The following PCDH11X variants were observed in gnomAD, a reference collection of about 807,000 sequenced individuals.
PCDH11X encodes protocadherin 11 X-linked.
Under a neutral mutation model 53.3 loss-of-function variants are expected in PCDH11X, and 18 were observed. The ratio of observed to expected loss-of-function variants is 0.34; its 90% confidence interval spans 0.23 to 0.50. The LOEUF is 0.50. Ranked by LOEUF, PCDH11X falls within the 20% of genes least tolerant of loss-of-function variation. The pLI is 0.98. For synonymous variants in PCDH11X, 279 were observed against 393.3 expected, an observed-to-expected ratio of 0.71 and a Z score of 3.44; for missense variants, 570 against 1,032.4, an observed-to-expected ratio of 0.55 and a Z score of 6.14.
chrX:91,861,269 G>T (rs1463620110), intron 5 of PCDH11X, among the ~76,000 whole-genome samples: 1 of 111,718 alleles, frequency 9.0e-6, no homozygotes, highest in African/African-American at 3.3e-5. Flanking sequence ...TTGCATAGAG[G>T]TGTTTATAGT....
At chrX:92,518,732 A>G (rs6619061) in intron 10 of PCDH11X, among the ~76,000 whole-genome samples, 14,151 of 103,134 alleles carry the variant, frequency 0.14, 951 homozygotes, top group East Asian at 0.43. Flanking sequence ...AACATTCACT[A>G]TGGCTTACCA....
intron 6 of PCDH11X, among the ~76,000 whole-genome samples, chrX:91,923,414 G>A (rs945480294): frequency 2.0e-5 from 2 of 100,269 alleles, no homozygotes; most frequent in African/African-American, 7.3e-5. Context: ...AAGGTAGAGG[G>A]ACTTGACTTG....
In PCDH11X at chrX:92,514,600, G is replaced by A. The variant is rs187986560; in HGVS notation, c.3367+46278G>A. Among the ~76,000 whole-genome samples, 297 of 105,344 alleles carry A rather than the reference G, an allele frequency of 2.8e-3. 2 individuals carry two copies. Among genetic ancestry groups the A allele is most frequent in the African/African-American group, 9.5e-3 (277 of 29,188 alleles). The allele number at this position is 105,344 out of a possible 115,157, so 91.5% of individuals were successfully genotyped here. A position where few individuals can be genotyped will look rare whatever the true frequency, so the allele number is the denominator to read the frequency against. On this transcript the variant is annotated intron_variant, in intron 10 of 10. Transcript: ENST00000682573. ...CAAAAAAATAGCTGGGTGTGGTGGC[G>A]TGCACCTGTAATCCCAGCTACTCGG... is the stretch of plus-strand genomic sequence containing the variant.
At chrX:92,049,613 G>C (rs1366982582) in intron 6 of PCDH11X, among the ~76,000 whole-genome samples, 1 of 111,223 alleles carries the variant, frequency 9.0e-6, no homozygotes, top group Admixed American at 9.6e-5. Flanking sequence ...GAAAAAAATA[G>C]TATCTGTAGA....
At chrX:92,292,136 C>A (rs2068506115) in intron 8 of PCDH11X, among the ~76,000 whole-genome samples, 2 of 111,300 alleles carry the variant, frequency 1.8e-5, no homozygotes, top group South Asian at 3.7e-4. Flanking sequence ...TCTTGTCTTT[C>A]TGGATTATGG....
chrX:92,614,381 C>T lies in PCDH11X; in HGVS notation c.3368-3883C>T, dbSNP rs374398249. Among the ~76,000 whole-genome samples, 289 of 104,616 alleles carry T rather than the reference C, an allele frequency of 2.8e-3. 5 individuals carry two copies. Among genetic ancestry groups the T allele is most frequent in the South Asian group, 0.013 (28 of 2,234 alleles). The allele number at this position is 104,616 out of a possible 115,157, so 90.8% of individuals were successfully genotyped here. On this transcript the variant is annotated intron_variant, in intron 10 of 10. Coordinates refer to ENST00000682573, the MANE Select transcript of PCDH11X (RefSeq NM_032968.5). ...TTCCTCTCCTCCCTACAGGGTGTGA[C>T]TGTAGTGAATGCTGGGTATGGTCAC...
chrX:92,276,652 T>A (rs1247952143), intron 8 of PCDH11X, among the ~76,000 whole-genome samples: 2 of 110,791 alleles, frequency 1.8e-5, no homozygotes, highest in African/African-American at 3.3e-5. Flanking sequence ...TTGCAAGTTT[T>A]TTCTATTATT....
At position 92,459,928 on chromosome X, in the gene PCDH11X, G is replaced by A. The variant is rs1197199972; in HGVS notation, c.3344-8371G>A. The A allele has an allele frequency of 1.9e-5, 23 of 1,181,457 alleles. No homozygotes were observed. In the Admixed American group the frequency reaches 4.6e-4, roughly 24 times the overall value. ...CAAGAAGACCATGCAAAGCCTGAAC[G>A]ACCGCCTGGCCTCTTACCTGGACAG... is the stretch of plus-strand genomic sequence containing the variant. On this transcript the variant is annotated intron_variant, in intron 9 of 10. Coordinates refer to ENST00000682573, the MANE Select transcript of PCDH11X (RefSeq NM_032968.5).
intron 1 of PCDH11X, among the ~76,000 whole-genome samples, chrX:91,794,692 A>C (rs1935672680): frequency 9.3e-6 from 1 of 108,068 alleles, no homozygotes; most frequent in African/African-American, 3.4e-5. Flanking sequence ...ATTGTAGTGA[A>C]ATGCATGTCC....
Position 92,023,660 on chromosome X carries a change from T to C in PCDH11X, c.3033+144387T>C, listed in dbSNP as rs1333456990. The stretch of plus-strand genomic sequence containing the variant: ...AAAGGAGGGACTCCTCCCTAACTCA[T>C]TTTATGAGGCCAACATCATCCTGAT... On this transcript the variant is annotated intron_variant, in intron 6 of 10. Transcript: ENST00000682573. Among the ~76,000 whole-genome samples, 188 of 102,939 alleles carry C rather than the reference T, an allele frequency of 1.8e-3. 5 individuals carry two copies. Among genetic ancestry groups the C allele is most frequent in the Non-Finnish European group, 4.4e-4 (22 of 50,452 alleles). 89.4% of individuals were successfully genotyped at this position (102,939 alleles called of 115,157 possible).
At position 91,866,608 on chromosome X, in the gene PCDH11X, G is replaced by C. The variant is rs187078539; in HGVS notation, c.541-10173G>C. On this transcript the variant is annotated intron_variant, in intron 5 of 10. Transcript: ENST00000682573. ...TACCATGAGGCCACTGCAGCAGTTG[G>C]GGGAGGAGAAGTGGCTTCGGTGATT... 5.6e-4 allele frequency among the ~76,000 whole-genome samples: 62 copies of C among 111,329 alleles called. No homozygotes were observed. The East Asian group carries it at 0.014, about 26-fold the overall frequency.
chrX:92,187,132 G>A (rs188311989), intron 6 of PCDH11X, among the ~76,000 whole-genome samples: 3 of 111,556 alleles, frequency 2.7e-5, no homozygotes, highest in Non-Finnish European at 5.6e-5. Context: ...TTACAGTTCT[G>A]GAGTCAGACA....
chrX:92,344,068 C>T (rs1363295156), intron 8 of PCDH11X, among the ~76,000 whole-genome samples: 19 of 107,868 alleles, frequency 1.8e-4, no homozygotes, highest in Non-Finnish European at 2.9e-4. Flanking sequence ...TTGTGATTTA[C>T]AGACTATGAA....
At chrX:91,917,569 CA>C (rs59199030) in intron 6 of PCDH11X, among the ~76,000 whole-genome samples, 374 of 15,856 alleles carry the variant, frequency 0.024, 2 homozygotes, top group South Asian at 0.077. Context: ...ACAGCAGCTG[CA>C]AAAAAAAAAA....
intron 1 of PCDH11X, among the ~76,000 whole-genome samples, chrX:91,780,128 G>A (rs1037429287): frequency 8.9e-6 from 1 of 111,875 alleles, no homozygotes; most frequent in Non-Finnish European, 1.9e-5. Flanking sequence ...TGGAGCTGAG[G>A]GGCGATGCCT....
chrX:92,276,162 C>T (rs1279054564), intron 8 of PCDH11X, among the ~76,000 whole-genome samples: 1 of 108,874 alleles, frequency 9.2e-6, no homozygotes, highest in Non-Finnish European at 1.9e-5. Flanking sequence ...ATACCTACAA[C>T]AGTTATGGAG....
chrX:92,030,207 C>T (rs1223243164), intron 6 of PCDH11X, among the ~76,000 whole-genome samples: 5 of 111,711 alleles, frequency 4.5e-5, no homozygotes, highest in Admixed American at 9.5e-5. Flanking sequence ...GTGATCTGCC[C>T]GCCTTGGCCT....
intron 6 of PCDH11X, among the ~76,000 whole-genome samples, chrX:92,070,832 C>T (rs2063690193): frequency 9.0e-6 from 1 of 111,305 alleles, no homozygotes; most frequent in East Asian, 2.8e-4. Flanking sequence ...TGGAGTCTTG[C>T]TCTGTTGCCC....
chrX:92,528,105 G>A (rs1602260626), intron 10 of PCDH11X, among the ~76,000 whole-genome samples: 3 of 111,244 alleles, frequency 2.7e-5, no homozygotes, highest in African/African-American at 6.5e-5. Flanking sequence ...TAGTGAAAAC[G>A]GTCTCTTTAT....
Sources: gnomAD v4.1 joint callset for allele counts (sites outside exome capture counted in the v4.1 genomes callset) on GRCh38, gnomAD v4.1.1 for gene constraint, MANE v1.5 for transcripts, NCBI Gene and HGNC (gene_info 2026-07-23, HGNC 2026-07-21) for gene names.